PDE8B: variants seen among roughly 807,000 people sequenced by gnomAD.
The protein encoded by PDE8B is phosphodiesterase 8B, also known as high affinity cAMP-specific and IBMX-insensitive 3',5'-cyclic phosphodiesterase 8B.
PDE8B carries 26 observed loss-of-function variants against 101.3 expected under a neutral mutation model. The ratio of observed to expected loss-of-function variants is 0.26; its 90% confidence interval spans 0.19 to 0.36. The LOEUF is 0.36. Among genes scored for constraint, PDE8B ranks in the 10% least tolerant of loss-of-function variants. PDE8B has a pLI of 1.00. For missense variants in PDE8B, 810 were observed against 1,163.1 expected, an observed-to-expected ratio of 0.70 and a Z score of 4.42; for synonymous variants, 424 against 429.3, an observed-to-expected ratio of 0.99 and a Z score of 0.15.
At chr5:77,422,833 T>C (rs898140757) in intron 20 of PDE8B, among the ~76,000 whole-genome samples, 2 of 152,158 alleles carry the variant, frequency 1.3e-5, no homozygotes, top group African/African-American at 2.4e-5. Flanking sequence ...GAATAGATGA[T>C]GCCTAGGAAG....
chr5:77,206,945 G>T (rs967089804), upstream of PDE8B, among the ~76,000 whole-genome samples: 1 of 152,214 alleles, frequency 6.6e-6, no homozygotes, highest in Non-Finnish European at 1.5e-5. Context: ...AGAGACTCTG[G>T]AGATCATCTA....
chr5:77,196,119 T>A, the PDE8B span, among the ~76,000 whole-genome samples: 1 of 152,342 alleles, frequency 6.6e-6, no homozygotes, highest in East Asian at 1.9e-4. Flanking sequence ...ATTGGATTGT[T>A]CAGTTTTTTG....
At chr5:77,374,668 A>G (rs1785709881) in intron 10 of PDE8B, among the ~76,000 whole-genome samples, 1 of 152,210 alleles carries the variant, frequency 6.6e-6, no homozygotes, top group African/African-American at 2.4e-5. Flanking sequence ...TTTATGTTGC[A>G]GTTCTCATAC....
chr5:77,241,532 G>A (rs772994907), intron 1 of PDE8B, among the ~76,000 whole-genome samples: 23 of 152,188 alleles, frequency 1.5e-4, no homozygotes, highest in African/African-American at 5.1e-4. Flanking sequence ...GAATCATGCA[G>A]CAATCCTGTC....
rs912849753 is a variant in PDE8B at position 77,424,819 on chromosome 5, G to GTTTT, written c.2419-945_2419-942dup. 1.9e-4 allele frequency among the ~76,000 whole-genome samples: 21 copies of GTTTT among 110,044 alleles called. 1 individual carries two copies. Among genetic ancestry groups the GTTTT allele is most frequent in the African/African-American group, 3.2e-4 (10 of 31,408 alleles). 72.2% of individuals were successfully genotyped at this position (110,044 alleles called of 152,430 possible). ...CAAGTGAAACTGGTTCTGTTTTTTT[G>GTTTT]TTTTTTGTTTTTTGTTTTTAATGTG... On this transcript the variant is annotated intron_variant, in intron 20 of 21. Coordinates refer to ENST00000264917, the MANE Select transcript of PDE8B (RefSeq NM_003719.5).
At chr5:77,157,486 A>G in the PDE8B span, among the ~76,000 whole-genome samples, 23 of 152,316 alleles carry the variant, frequency 1.5e-4, no homozygotes, top group Admixed American at 7.2e-4. Flanking sequence ...TTAGCAAAGA[A>G]AACATGAGGG....
chr5:77,239,201 C>T (rs539775640), intron 1 of PDE8B, among the ~76,000 whole-genome samples: 10 of 152,262 alleles, frequency 6.6e-5, no homozygotes, highest in Admixed American at 2.0e-4. Context: ...TTGATATTTC[C>T]GTTTTAGCAG....
the PDE8B span, among the ~76,000 whole-genome samples, chr5:77,180,209 G>C: frequency 6.6e-6 from 1 of 152,174 alleles, no homozygotes; most frequent in Non-Finnish European, 1.5e-5. Flanking sequence ...TCAAAGTCTT[G>C]GCTCCACACC....
At chr5:77,286,768 T>A (rs1766103863) in intron 1 of PDE8B, among the ~76,000 whole-genome samples, 1 of 152,240 alleles carries the variant, frequency 6.6e-6, no homozygotes, top group Admixed American at 6.5e-5. Context: ...TTCAGAATGT[T>A]TTTCTTATCT....
At chr5:77,422,587 A>G (rs1016609289) in intron 20 of PDE8B, among the ~76,000 whole-genome samples, 1 of 152,226 alleles carries the variant, frequency 6.6e-6, no homozygotes, top group Non-Finnish European at 1.5e-5. Flanking sequence ...TTTTATAAAA[A>G]GGGAAGAGCA....
the PDE8B span, among the ~76,000 whole-genome samples, chr5:77,115,738 G>A: frequency 6.6e-6 from 1 of 152,184 alleles, no homozygotes; most frequent in Non-Finnish European, 1.5e-5. Context: ...TGACAGCCAC[G>A]AGTCGGCCGT....
At chr5:77,376,510 C>G (rs745647280) in intron 10 of PDE8B, among the ~76,000 whole-genome samples, 1 of 152,124 alleles carries the variant, frequency 6.6e-6, no homozygotes, top group African/African-American at 2.4e-5. Context: ...ACAGTAAATC[C>G]TATGAATGCA....
chr5:77,311,861 A>G, intron 1 of PDE8B, 133 bp from the exon 2 acceptor site: 1 of 798,864 alleles, frequency 1.3e-6, no homozygotes, highest in African/African-American at 1.7e-5. Flanking sequence ...TTGGTAACCC[A>G]TCTCCAGTTC....
chr5:77,282,555 G>A (rs1187482586), intron 1 of PDE8B, among the ~76,000 whole-genome samples: 1 of 152,092 alleles, frequency 6.6e-6, no homozygotes, highest in East Asian at 1.9e-4. Context: ...ACACCCCTGT[G>A]CTGTGGGGAG....
chr5:77,316,860 A>G (rs1301774583), intron 2 of PDE8B, among the ~76,000 whole-genome samples: 1 of 152,208 alleles, frequency 6.6e-6, no homozygotes, highest in Middle Eastern at 3.2e-3. Flanking sequence ...GATTTCCCTC[A>G]TGTGAGTTTG....
At chr5:77,302,733 C>G (rs1270670596) in intron 1 of PDE8B, among the ~76,000 whole-genome samples, 2 of 152,184 alleles carry the variant, frequency 1.3e-5, no homozygotes, top group East Asian at 1.9e-4. Flanking sequence ...CCCAGTGAGG[C>G]AGACCTGGGC....
At chr5:77,408,100 G>T (rs1036207499) in intron 13 of PDE8B, among the ~76,000 whole-genome samples, 3 of 152,162 alleles carry the variant, frequency 2.0e-5, no homozygotes, top group African/African-American at 7.2e-5. Flanking sequence ...GTCAGTTAGG[G>T]GGCTATTCTA....
intron 1 of PDE8B, among the ~76,000 whole-genome samples, chr5:77,298,404 A>G (rs832787): frequency 0.19 from 28,302 of 152,042 alleles, 2,758 homozygotes; most frequent in Non-Finnish European, 0.21. Flanking sequence ...AGATGGGGAG[A>G]ATATTGTTAC....
At position 77,250,863 on chromosome 5, in the gene PDE8B, G is replaced by A. The variant is rs370717362; in HGVS notation, c.339+39599G>A. On this transcript the variant is annotated intron_variant, in intron 1 of 21. Transcript: ENST00000264917. ...GCAAAAGGCTACTCCAGGAGACATAGCATGATTCTGCAAGTGCATTTTGGC... is the reference window on the plus strand; with the variant it reads ...GCAAAAGGCTACTCCAGGAGACATAACATGATTCTGCAAGTGCATTTTGGC... 1.6e-4 allele frequency among the ~76,000 whole-genome samples: 25 copies of A among 152,340 alleles called. No homozygotes were observed. In the East Asian group the frequency reaches 2.1e-3, roughly 13 times the overall value.
Sources: gnomAD v4.1 joint callset for allele counts (sites outside exome capture counted in the v4.1 genomes callset) on GRCh38, gnomAD v4.1.1 for gene constraint, MANE v1.5 for transcripts, NCBI Gene and HGNC (gene_info 2026-07-23, HGNC 2026-07-21) for gene names.